The following DOCK4 variants were observed in gnomAD, a reference collection of about 807,000 sequenced individuals.
The protein encoded by DOCK4 is dedicator of cytokinesis 4.
DOCK4 carries 97 observed loss-of-function variants against 268.1 expected under a neutral mutation model. That is an observed-to-expected ratio of 0.36 (90% CI 0.31 to 0.43). DOCK4 has a LOEUF of 0.43. DOCK4 is among the 20% of genes least tolerant of loss of function. DOCK4 has a pLI of 1.00. For synonymous variants in DOCK4, 954 were observed against 887.2 expected, an observed-to-expected ratio of 1.08 and a Z score of -1.34; for missense variants, 2,145 against 2,455.7, an observed-to-expected ratio of 0.87 and a Z score of 2.67.
At chr7:112,124,727 C>G (rs1407369474) in intron 1 of DOCK4, among the ~76,000 whole-genome samples, 1 of 152,204 alleles carries the variant, frequency 6.6e-6, no homozygotes, top group Non-Finnish European at 1.5e-5. Flanking sequence ...AGCGCAGTGC[C>G]TGGCCCATAG....
At chr7:111,839,419 T>C (rs1475576491) in intron 25 of DOCK4, among the ~76,000 whole-genome samples, 1 of 152,082 alleles carries the variant, frequency 6.6e-6, no homozygotes, top group East Asian at 1.9e-4. Flanking sequence ...CAACACACAA[T>C]CCTGTGAATA....
intron 1 of DOCK4, among the ~76,000 whole-genome samples, chr7:112,037,996 G>T (rs1242342070): frequency 6.6e-6 from 1 of 152,136 alleles, no homozygotes; most frequent in Non-Finnish European, 1.5e-5. Flanking sequence ...TTAATCAGAA[G>T]TCAAAAGGTT....
intron 1 of DOCK4, among the ~76,000 whole-genome samples, chr7:112,008,058 TTTTCTTATAAATTGAACAG>T (rs1235324769): frequency 6.6e-6 from 1 of 152,202 alleles, no homozygotes; most frequent in East Asian, 1.9e-4. Context: ...CTTTTCTTGT[TTTTCTTATAAATTGAACAG>T]TTTCTTATAA....
chr7:111,841,092 C>A (rs1563575898), intron 25 of DOCK4, among the ~76,000 whole-genome samples: 1 of 152,082 alleles, frequency 6.6e-6, no homozygotes, highest in Non-Finnish European at 1.5e-5. Context: ...TGTTTAAACA[C>A]CTTTACAGAT....
intron 3 of DOCK4, among the ~76,000 whole-genome samples, chr7:111,998,854 A>AGG (rs1800186102): frequency 6.7e-6 from 1 of 150,304 alleles, no homozygotes; most frequent in Non-Finnish European, 1.5e-5. Flanking sequence ...TGTATTGCAT[A>AGG]GTTTTGAAAG....
At chr7:111,748,069 G>A (rs1288753073) in intron 42 of DOCK4, among the ~76,000 whole-genome samples, 2 of 152,160 alleles carry the variant, frequency 1.3e-5, no homozygotes, top group African/African-American at 4.8e-5. Flanking sequence ...ATTCCAGGCT[G>A]TATGGAGGAC....
intron 36 of DOCK4, among the ~76,000 whole-genome samples, chr7:111,772,145 GA>G (rs1182448305): frequency 2.0e-5 from 3 of 152,332 alleles, no homozygotes; most frequent in African/African-American, 7.2e-5. Flanking sequence ...TTCAGTTTGG[GA>G]AGATGAGAAA....
intron 17 of DOCK4, among the ~76,000 whole-genome samples, chr7:111,873,171 G>A (rs1007412562): frequency 6.6e-6 from 1 of 152,196 alleles, no homozygotes. Flanking sequence ...GGACTCCACA[G>A]GCCATCTTTC....
chr7:112,172,972 C>A (rs1818208720), intron 1 of DOCK4, among the ~76,000 whole-genome samples: 1 of 152,154 alleles, frequency 6.6e-6, no homozygotes, highest in Admixed American at 6.5e-5. Flanking sequence ...AGTCTCAGAT[C>A]TGAACAAACC....
At position 111,763,058 on chromosome 7, in the gene DOCK4, G is replaced by A. The variant is rs57149137; in HGVS notation, c.4020+2060C>T. On this transcript the variant is annotated intron_variant, in intron 39 of 52. Transcript: ENST00000428084. ...GCTGCAATTACAGGCATGAGCTACC[G>A]TGCCCAGCTAAATAACCCGTTTTTC... 6.3e-3 allele frequency among the ~76,000 whole-genome samples: 961 copies of A among 151,886 alleles called. 8 individuals are homozygous for A. The highest frequency in any genetic ancestry group is 0.021 in the African/African-American group (855 of 41,436).
chr7:112,036,598 G>A (rs1443665907), intron 1 of DOCK4, among the ~76,000 whole-genome samples: 2 of 151,486 alleles, frequency 1.3e-5, no homozygotes, highest in African/African-American at 4.9e-5. Context: ...ACAGTGTGAT[G>A]GGTTCTGACA....
chr7:112,043,927 G>A (rs1246380263), intron 1 of DOCK4, among the ~76,000 whole-genome samples: 2 of 151,960 alleles, frequency 1.3e-5, no homozygotes, highest in Non-Finnish European at 2.9e-5. Flanking sequence ...TTCCCAATGA[G>A]TGACTTAGAA....
chr7:111,876,933 A>G, intron 17 of DOCK4, 97 bp downstream of exon 17: 1 of 1,142,294 alleles, frequency 8.8e-7, no homozygotes, highest in Non-Finnish European at 1.1e-6. Context: ...ATTTTTCTAA[A>G]GTTCTTAACT....
chr7:112,073,160 G>A (rs1159107068), intron 1 of DOCK4, among the ~76,000 whole-genome samples: 1 of 152,024 alleles, frequency 6.6e-6, no homozygotes, highest in East Asian at 1.9e-4. Context: ...TTCCACTCAT[G>A]TCCTAAAACC....
chr7:112,043,701 G>A (rs1252831002), intron 1 of DOCK4, among the ~76,000 whole-genome samples: 2 of 151,916 alleles, frequency 1.3e-5, no homozygotes. Flanking sequence ...GGCAACCCTG[G>A]ATAGAGGGGA....
chr7:111,935,340 T>C (rs751570240), intron 12 of DOCK4, 200 bp downstream of exon 12: 1 of 640,124 alleles, frequency 1.6e-6, no homozygotes, highest in East Asian at 3.0e-5. Flanking sequence ...AAGAATAGAA[T>C]ACATTTTTTA....
At chr7:111,754,887 G>A (rs972710893) in intron 42 of DOCK4, among the ~76,000 whole-genome samples, 34 of 152,276 alleles carry the variant, frequency 2.2e-4, no homozygotes, top group African/African-American at 7.7e-4. Context: ...AGACTAATAC[G>A]CTGCCATCCT....
chr7:111,846,196 G>A (rs1388775390), intron 24 of DOCK4, among the ~76,000 whole-genome samples: 1 of 152,150 alleles, frequency 6.6e-6, no homozygotes, highest in African/African-American at 2.4e-5. Context: ...TGGGGAAACT[G>A]TAGCATAAAG....
intron 1 of DOCK4, among the ~76,000 whole-genome samples, chr7:112,108,148 T>A (rs533366332): frequency 1.2e-4 from 18 of 152,192 alleles, no homozygotes; most frequent in Non-Finnish European, 2.5e-4. Context: ...ATACAAACAT[T>A]TCTGAAATTA....
Sources: allele counts gnomAD v4.1 joint callset (sites outside exome capture counted in the v4.1 genomes callset), GRCh38; gene constraint gnomAD v4.1.1; transcripts MANE v1.5; gene names NCBI Gene and HGNC (gene_info 2026-07-23, HGNC 2026-07-21).